ITFG1: variants seen among roughly 807,000 people sequenced by gnomAD.
The protein encoded by ITFG1 is T-cell immunomodulatory protein.
Under a neutral mutation model 81.8 loss-of-function variants are expected in ITFG1, and 34 were observed. The ratio of observed to expected loss-of-function variants is 0.42; its 90% confidence interval spans 0.32 to 0.55. The LOEUF (loss-of-function observed/expected upper bound fraction) is 0.55. ITFG1 is among the 20% of genes least tolerant of loss of function. The pLI is 0.17. For missense variants in ITFG1, 672 were observed against 755.4 expected (o/e 0.89, Z 1.29); for synonymous variants, 285 against 270.6 (o/e 1.05, Z -0.52).
intron 8 of ITFG1, among the ~76,000 whole-genome samples, chr16:47,325,262 T>C (rs1334394335): frequency 6.6e-6 from 1 of 152,222 alleles, no homozygotes; most frequent in African/African-American, 2.4e-5. Context: ...AATAAAGATG[T>C]TCTTTGAAAC....
At chr16:47,403,144 T>C (rs537476092) in intron 6 of ITFG1, among the ~76,000 whole-genome samples, 130 of 152,168 alleles carry the variant, frequency 8.5e-4, no homozygotes, top group Non-Finnish European at 1.6e-3. Flanking sequence ...TTATAGAATT[T>C]GCCCCCTCCC....
intron 13 of ITFG1, among the ~76,000 whole-genome samples, chr16:47,221,150 A>G (rs192278264): frequency 6.6e-6 from 1 of 152,264 alleles, no homozygotes; most frequent in African/African-American, 2.4e-5. Context: ...CCTTTTCGGA[A>G]GCTCCCTGAA....
chr16:47,291,089 A>AT (rs1286807046), intron 10 of ITFG1, among the ~76,000 whole-genome samples: 3 of 151,640 alleles, frequency 2.0e-5, no homozygotes, highest in Non-Finnish European at 4.4e-5. Flanking sequence ...ATTCTCTCAG[A>AT]TTTTTTTCTA....
intron 14 of ITFG1, among the ~76,000 whole-genome samples, chr16:47,193,063 T>G (rs1189504361): frequency 6.6e-6 from 1 of 152,160 alleles, no homozygotes; most frequent in Non-Finnish European, 1.5e-5. Flanking sequence ...CTTTGATGGA[T>G]CTAAGAAGAG....
chr16:47,401,460 G>A lies in ITFG1; in HGVS notation c.656-25520C>T, dbSNP rs1968661179. Among the ~76,000 whole-genome samples the A allele has an allele frequency of 3.9e-5, 6 of 152,060 alleles. No individual in the cohort carries two copies. In the South Asian group the frequency reaches 1.0e-3, roughly 26 times the overall value. ...TATTACATAAAAAAGGAAAAGGGCT[G>A]AGTACAAAATCCTGAGCTTTACCCA... On this transcript the variant is annotated intron_variant, in intron 6 of 17. Coordinates refer to ENST00000320640, the MANE Select transcript of ITFG1 (RefSeq NM_030790.5).
intron 8 of ITFG1, among the ~76,000 whole-genome samples, chr16:47,321,932 T>C (rs1275394212): frequency 2.0e-5 from 3 of 152,308 alleles, no homozygotes; most frequent in Admixed American, 6.5e-5. Flanking sequence ...AGAAAAAAGA[T>C]AGTATCATCT....
chr16:47,237,830 C>G, intron 13 of ITFG1, 135 bp downstream of exon 13: 1 of 553,916 alleles, frequency 1.8e-6, no homozygotes, highest in African/African-American at 2.0e-5. Flanking sequence ...GCACAGTTTT[C>G]TTGAGTAATG....
intron 8 of ITFG1, among the ~76,000 whole-genome samples, chr16:47,347,036 A>G (rs900089730): frequency 6.6e-6 from 1 of 152,216 alleles, no homozygotes; most frequent in Non-Finnish European, 1.5e-5. Context: ...AAATTCAACA[A>G]CACATTAAAG....
intron 8 of ITFG1, among the ~76,000 whole-genome samples, chr16:47,316,223 TA>T (rs757039399): frequency 6.6e-6 from 1 of 152,246 alleles, no homozygotes; most frequent in Non-Finnish European, 1.5e-5. Context: ...CAGTTTTTTG[TA>T]CTTTTTTAAA....
chr16:47,348,449 A>G lies in ITFG1; in HGVS notation c.802+17339T>C, dbSNP rs117335467. ...AATAGCTGATTCCATTAACTGGAAG[A>G]AAGGGTATCAGTGATGGAAGATCAA... On this transcript the variant is annotated intron_variant, in intron 8 of 17. Transcript: ENST00000320640. 1.8e-4 allele frequency among the ~76,000 whole-genome samples: 28 copies of G among 152,384 alleles called. 1 individual carries two copies. The East Asian group carries it at 5.4e-3, about 29-fold the overall frequency.
intron 6 of ITFG1, among the ~76,000 whole-genome samples, chr16:47,417,412 T>C (rs1309942542): frequency 6.6e-6 from 1 of 152,224 alleles, no homozygotes; most frequent in African/African-American, 2.4e-5. Flanking sequence ...ACACTTCAAT[T>C]CTTCTCTTCT....
chr16:47,220,406 T>C (rs1477672080), intron 13 of ITFG1, among the ~76,000 whole-genome samples: 1 of 152,222 alleles, frequency 6.6e-6, no homozygotes. Context: ...TATTCCGACT[T>C]GGGTATTTAG....
rs1967714624 is a variant in ITFG1 at position 47,337,087 on chromosome 16, G to C, written c.803-23264C>G. Among the ~76,000 whole-genome samples, 6 of 144,728 alleles carry C rather than the reference G, an allele frequency of 4.1e-5. No individual in the cohort carries two copies. In the South Asian group the frequency reaches 1.3e-3, roughly 32 times the overall value. 94.9% of individuals were successfully genotyped at this position (144,728 alleles called of 152,430 possible). On this transcript the variant is annotated intron_variant, in intron 8 of 17. Coordinates refer to ENST00000320640, the MANE Select transcript of ITFG1 (RefSeq NM_030790.5). ...AGGGAGGCGGGGGTTGCAGTGAGCT[G>C]AGATGGTGCCATTGCACTCCAACCT...
intron 6 of ITFG1, among the ~76,000 whole-genome samples, chr16:47,399,463 C>G (rs1220935321): frequency 6.6e-6 from 1 of 152,120 alleles, no homozygotes; most frequent in African/African-American, 2.4e-5. Flanking sequence ...GTCCCAGCTA[C>G]TCAGGAGGCT....
At position 47,335,289 on chromosome 16, in the gene ITFG1, G is replaced by A. The variant is rs537055410; in HGVS notation, c.803-21466C>T. ...GGAGAATCATTTGAACCTGGGAGGC[G>A]GAGGTTGCTGTGAGCCCAGATCATG... On this transcript the variant is annotated intron_variant, in intron 8 of 17. Transcript: ENST00000320640. 3.9e-5 allele frequency among the ~76,000 whole-genome samples: 6 copies of A among 152,196 alleles called. No homozygotes were observed. In the South Asian group the frequency reaches 8.3e-4, roughly 21 times the overall value.
intron 12 of ITFG1, among the ~76,000 whole-genome samples, chr16:47,252,994 A>G (rs184605467): frequency 2.0e-5 from 3 of 152,300 alleles, no homozygotes; most frequent in African/African-American, 7.2e-5. Flanking sequence ...CATTATTAAT[A>G]TTTATGTTAA....
chr16:47,426,172 C>T (rs2151608611), intron 6 of ITFG1: 1 of 152,146 alleles, frequency 6.6e-6, no homozygotes, highest in East Asian at 1.9e-4. Context: ...AATGAATTCC[C>T]TCAGCTTTTG....
At chr16:47,354,979 G>A (rs1375761837) in intron 8 of ITFG1, among the ~76,000 whole-genome samples, 1 of 152,032 alleles carries the variant, frequency 6.6e-6, no homozygotes, top group Non-Finnish European at 1.5e-5. Flanking sequence ...AAAACAGTAT[G>A]GAGTTTCCTA....
At chr16:47,217,776 T>C (rs1401154934) in intron 14 of ITFG1, among the ~76,000 whole-genome samples, 1 of 152,012 alleles carries the variant, frequency 6.6e-6, no homozygotes, top group Non-Finnish European at 1.5e-5. Context: ...ATATAAAAAA[T>C]TAGCCGGGTG....
Sources: allele counts gnomAD v4.1 joint callset (sites outside exome capture counted in the v4.1 genomes callset), GRCh38; gene constraint gnomAD v4.1.1; transcripts MANE v1.5; gene names NCBI Gene and HGNC (gene_info 2026-07-23, HGNC 2026-07-21).